Variants in NDC1 observed in about 807,000 individuals in gnomAD.
The protein encoded by NDC1 is nucleoporin NDC1.
NDC1 carries 24 observed loss-of-function variants against 89.8 expected under a neutral mutation model. That is an observed-to-expected ratio of 0.27 (90% confidence interval 0.19 to 0.38). The LOEUF is 0.38. NDC1 is among the 10% of genes least tolerant of loss of function. The pLI, the probability that NDC1 is intolerant of heterozygous loss-of-function variation, is 1.00. For synonymous variants in NDC1, 296 were observed against 284.8 expected (o/e 1.04, Z -0.39); for missense variants, 728 against 797.6 (o/e 0.91, Z 1.05).
chr1:53,809,452 A>G (rs1648227892), intron 7 of NDC1, among the ~76,000 whole-genome samples: 1 of 152,158 alleles, frequency 6.6e-6, no homozygotes, highest in African/African-American at 2.4e-5. Flanking sequence ...CCTGGGCTCA[A>G]GCGATCCTCC....
At chr1:53,790,552 C>T (rs1028019395) in intron 14 of NDC1, among the ~76,000 whole-genome samples, 2 of 149,932 alleles carry the variant, frequency 1.3e-5, no homozygotes, top group East Asian at 2.0e-4. Flanking sequence ...ACTAAAAATA[C>T]AAAAAATTAG....
intron 16 of NDC1, among the ~76,000 whole-genome samples, chr1:53,777,913 A>G (rs1034511714): frequency 2.0e-5 from 3 of 151,976 alleles, no homozygotes; most frequent in Non-Finnish European, 4.4e-5. Flanking sequence ...ACGGGATTTC[A>G]CCATGTTGAC....
rs1244625299 is a variant in NDC1 at position 53,784,689 on chromosome 1, G to A, written c.1800+2469C>T. On this transcript the variant is annotated intron_variant, in intron 16 of 17. Coordinates refer to ENST00000371429, the MANE Select transcript of NDC1 (RefSeq NM_018087.5). ...ACCTGTAGTCCCAGCTACTCAGGAG[G>A]CTGAGGCAGGAGAATGGTGTGAACC... 2.0e-5 allele frequency among the ~76,000 whole-genome samples: 3 copies of A among 152,298 alleles called. No homozygotes were observed. In the East Asian group the frequency reaches 5.8e-4, roughly 29 times the overall value.
chr1:53,810,143 C>T (rs753831383), intron 6 of NDC1, among the ~76,000 whole-genome samples: 1 of 152,162 alleles, frequency 6.6e-6, no homozygotes. Context: ...AAGTCTGTTG[C>T]TGATTGGTCA....
rs1648941710 is a variant in NDC1, at chr1:53,828,292, A to G, written c.281-119T>C. The G allele has an allele frequency of 5.5e-6, 5 of 902,884 alleles. No homozygotes were observed. The South Asian group carries it at 1.4e-4, about 25-fold the overall frequency. The allele number at this position is 902,884 out of a possible 1,614,324, so 55.9% of individuals were successfully genotyped here. A position where few individuals can be genotyped will look rare whatever the true frequency, so the allele number is the denominator to read the frequency against. On this transcript the variant is annotated intron_variant, in intron 3 of 17. Transcript: ENST00000371429. The stretch of plus-strand genomic sequence containing the variant: ...CAAAGGCAGAGAGAAATCCACAGTC[A>G]ACGCAAATACAATACAGAAAAATTT...
intron 10 of NDC1, 64 bp from the exon 11 acceptor site, chr1:53,800,912 GGAA>G: frequency 2.0e-6 from 3 of 1,463,674 alleles, no homozygotes; most frequent in Non-Finnish European, 2.8e-6. Context: ...TTGAAGTGGG[GGAA>G]AAAGTCAGTA....
chr1:53,787,220 T>C lies in NDC1; in HGVS notation c.1738A>G (p.Arg580Gly). Residue 580 changes from arginine (R) to glycine (G), a missense_variant, in exon 16 of 18, where the codon AGA becomes GGA. Transcript: ENST00000371429. ...HLVAASFTED[R>G]FGVVQTTLPA... is the part of the protein sequence containing the mutation. ...AGTGTCGTCTGGACAACTCCAAATC[T>C]ATCCTCTGTAAATGATGCTGCTACT... 1 of 1,609,264 alleles carries C rather than the reference T, an allele frequency of 6.2e-7. No homozygotes were observed. The highest frequency in any genetic ancestry group is 2.2e-5 in the East Asian group (1 of 44,798).
At chr1:53,827,939 A>C (rs1648925399) in intron 4 of NDC1, 60 bp downstream of exon 4, 1 of 1,352,888 alleles carries the variant, frequency 7.4e-7, no homozygotes. Context: ...TAACCTATAT[A>C]GGTCACCTTT....
chr1:53,783,424 C>CT (rs1472325188), intron 16 of NDC1, among the ~76,000 whole-genome samples: 1 of 152,138 alleles, frequency 6.6e-6, no homozygotes, highest in Non-Finnish European at 1.5e-5. Flanking sequence ...TACTGAGAAG[C>CT]TAAGTATCAG....
At chr1:53,818,352 A>G (rs1223254270) in intron 6 of NDC1, among the ~76,000 whole-genome samples, 4 of 151,950 alleles carry the variant, frequency 2.6e-5, no homozygotes, top group Non-Finnish European at 1.5e-5. Flanking sequence ...GAGGCAGGAG[A>G]ATCACTTGAA....
At chr1:53,825,731 A>G (rs1648831928) in intron 5 of NDC1, 67 bp downstream of exon 5, 1 of 1,299,964 alleles carries the variant, frequency 7.7e-7, no homozygotes, top group African/African-American at 1.5e-5. Flanking sequence ...CCAGTTATAT[A>G]CATATGCACC....
At chr1:53,804,150 T>C in intron 9 of NDC1, 141 bp from the exon 10 acceptor site, 1 of 626,284 alleles carries the variant, frequency 1.6e-6, no homozygotes. Flanking sequence ...ACCATAACCT[T>C]CCTTTCTAGA....
chr1:53,818,291 G>T (rs1648545895), intron 6 of NDC1, among the ~76,000 whole-genome samples: 1 of 151,962 alleles, frequency 6.6e-6, no homozygotes, highest in South Asian at 2.1e-4. Context: ...ACAAAAAATA[G>T]CCGGGTATGG....
intron 6 of NDC1, among the ~76,000 whole-genome samples, chr1:53,817,287 A>G (rs1413441045): frequency 1.3e-5 from 2 of 152,236 alleles, no homozygotes; most frequent in Non-Finnish European, 2.9e-5. Flanking sequence ...GTATATATAT[A>G]TGATGGAATA....
chr1:53,830,544 G>A (rs1293314968), intron 3 of NDC1, among the ~76,000 whole-genome samples: 1 of 152,152 alleles, frequency 6.6e-6, no homozygotes, highest in African/African-American at 2.4e-5. Context: ...GATTTTACAA[G>A]GAAGTGTTGA....
intron 6 of NDC1, among the ~76,000 whole-genome samples, chr1:53,813,517 A>G (rs1648379719): frequency 6.6e-6 from 1 of 152,246 alleles, no homozygotes. Flanking sequence ...AAGCAACAGC[A>G]GTTAAAAGAG....
chr1:53,831,576 G>A (rs1356919313), intron 3 of NDC1, among the ~76,000 whole-genome samples: 3 of 152,078 alleles, frequency 2.0e-5, no homozygotes, highest in African/African-American at 7.2e-5. Flanking sequence ...CGGAGGCTGA[G>A]GCAGGAGAAT....
At chr1:53,811,290 G>A (rs1311736894) in intron 6 of NDC1, among the ~76,000 whole-genome samples, 6 of 152,208 alleles carry the variant, frequency 3.9e-5, no homozygotes, top group Non-Finnish European at 8.8e-5. Context: ...ACTTGGGGGA[G>A]AGGGCAAATC....
intron 5 of NDC1, among the ~76,000 whole-genome samples, chr1:53,820,286 C>T (rs923192464): frequency 6.6e-6 from 1 of 150,838 alleles, no homozygotes; most frequent in East Asian, 1.9e-4. Flanking sequence ...AAAACAAAAT[C>T]GCAAAAAAAA....
Sources: gnomAD v4.1 joint callset for allele counts (sites outside exome capture counted in the v4.1 genomes callset) on GRCh38, gnomAD v4.1.1 for gene constraint, MANE v1.5 for transcripts, NCBI Gene and HGNC (gene_info 2026-07-23, HGNC 2026-07-21) for gene names.